ZNF81: variants seen among roughly 807,000 people sequenced by gnomAD.
ZNF81 encodes zinc finger protein 81.
A neutral mutation model predicts 32.3 loss-of-function variants in ZNF81; 5 were observed. The observed-to-expected ratio is 0.15, with a 90% CI of 0.08 to 0.33. The LOEUF is 0.33. Among genes scored for constraint, ZNF81 ranks in the 10% least tolerant of loss-of-function variants. The probability of loss-of-function intolerance (pLI) is 1.00; values close to 1 mark genes in which losing one functional copy is unlikely to be tolerated. For synonymous variants in ZNF81, 163 were observed against 166.8 expected, an observed-to-expected ratio of 0.98 and a Z score of 0.17; for missense variants, 379 against 479.8, an observed-to-expected ratio of 0.79 and a Z score of 1.96.
chrX:47,852,769 C>A (rs782481292), intron 2 of ZNF81, among the ~76,000 whole-genome samples: 7 of 112,787 alleles, frequency 6.2e-5, no homozygotes, highest in Non-Finnish European at 1.1e-4. Context: ...TCTGTTATTG[C>A]TGATATTTTA....
intron 2 of ZNF81, among the ~76,000 whole-genome samples, chrX:47,878,891 C>A (rs1435927692): frequency 8.9e-6 from 1 of 111,819 alleles, no homozygotes; most frequent in Non-Finnish European, 1.9e-5. Context: ...AGGCTGATTC[C>A]TTCCTCAAGG....
intron 4 of ZNF81, among the ~76,000 whole-genome samples, chrX:47,907,760 T>G (rs1213116195): frequency 8.9e-6 from 1 of 112,057 alleles, no homozygotes; most frequent in Non-Finnish European, 1.9e-5. Context: ...GAAAATATTA[T>G]GACCAACTTT....
intron 2 of ZNF81, among the ~76,000 whole-genome samples, chrX:47,850,891 G>GCGCA (rs1405405827): frequency 5.6e-5 from 3 of 53,416 alleles, no homozygotes; most frequent in Admixed American, 2.7e-4. Flanking sequence ...AGGCACGCGC[G>GCGCA]CACACACACA....
At chrX:47,885,730 G>C (rs2058639070) in intron 2 of ZNF81, among the ~76,000 whole-genome samples, 1 of 111,514 alleles carries the variant, frequency 9.0e-6, no homozygotes, top group African/African-American at 3.3e-5. Flanking sequence ...CCTTTTAAAA[G>C]AACACTAACC....
At position 47,880,320 on chromosome X, in the gene ZNF81, C is replaced by G. The variant is rs184346280; in HGVS notation, c.55-7679C>G. ...CTCGACCTCCCAAGCTCAGGTTATT[C>G]TCCCACCTCAGCCTCCCAAGTAGCT... On this transcript the variant is annotated intron_variant, in intron 2 of 4. Transcript: ENST00000338637. Among the ~76,000 whole-genome samples the G allele has an allele frequency of 2.1e-3, 233 of 112,261 alleles. 2 individuals carry two copies. The highest frequency in any genetic ancestry group is 7.3e-3 in the African/African-American group (226 of 30,921).
chrX:47,850,895 A>T (rs868936577), intron 2 of ZNF81, among the ~76,000 whole-genome samples: 1 of 38,049 alleles, frequency 2.6e-5, no homozygotes, highest in Non-Finnish European at 7.1e-5. Flanking sequence ...ACGCGCGCAC[A>T]CACACACACA....
intron 2 of ZNF81, among the ~76,000 whole-genome samples, chrX:47,864,819 T>C (rs1245740076): frequency 8.9e-6 from 1 of 112,485 alleles, no homozygotes; most frequent in Non-Finnish European, 1.9e-5. Flanking sequence ...CTACAGTCCA[T>C]GGTTCCAAAA....
chrX:47,864,316 G>A (rs1556882957), intron 2 of ZNF81, among the ~76,000 whole-genome samples: 1 of 111,752 alleles, frequency 8.9e-6, no homozygotes, highest in African/African-American at 3.3e-5. Context: ...GCAATAAAAG[G>A]TACACCATTT....
chrX:47,906,019 C>A (rs1556889144), intron 4 of ZNF81, among the ~76,000 whole-genome samples: 2 of 101,001 alleles, frequency 2.0e-5, no homozygotes, highest in African/African-American at 7.2e-5. Context: ...TGATTTTTCA[C>A]TGTTTATAAT....
At chrX:47,897,457 C>A (rs2058683549) in intron 4 of ZNF81, among the ~76,000 whole-genome samples, 1 of 111,746 alleles carries the variant, frequency 8.9e-6, no homozygotes, top group Admixed American at 9.5e-5. Flanking sequence ...GGATACAACT[C>A]CTTTGCCAGA....
In ZNF81 at chrX:47,916,207, A is replaced by C; in HGVS notation, c.1561A>C (p.Thr521Pro). 1 of 1,211,559 alleles carries C rather than the reference A, an allele frequency of 8.3e-7. No individual in the cohort carries two copies. Among genetic ancestry groups the C allele is most frequent in the Non-Finnish European group, 1.1e-6 (1 of 895,396 alleles). ...TCTCAATACTCACCAGAAGTCTCAT[A>C]CTGGAGAAAAGTCTTATATATGTGC... ...SNLNTHQKSHTGEKSYICAEC... is the reference protein window; with the variant it reads ...SNLNTHQKSHPGEKSYICAEC... The change falls in exon 5 of 5, where the codon ACT (threonine) becomes CCT (proline). Residue 521 changes from threonine to proline, a missense_variant. By Grantham distance (38) the Thr-to-Pro change is conservative. Around this residue, in one of 2 missense-constraint regions of ZNF81, gnomAD observed 102 missense variants for 173.2 expected, o/e 0.59. Transcript: ENST00000338637.
chrX:47,882,180 A>G (rs904463423), intron 2 of ZNF81, among the ~76,000 whole-genome samples: 3 of 111,223 alleles, frequency 2.7e-5, no homozygotes, highest in Non-Finnish European at 5.7e-5. Flanking sequence ...GTATATATAT[A>G]TGTACATATA....
chrX:47,909,584 T>A (rs1556889597), intron 4 of ZNF81, among the ~76,000 whole-genome samples: 1 of 110,438 alleles, frequency 9.1e-6, no homozygotes, highest in Non-Finnish European at 1.9e-5. Context: ...ATACCTAGTT[T>A]ATTGAGGCTT....
intron 3 of ZNF81, among the ~76,000 whole-genome samples, chrX:47,891,540 G>C (rs1336870958): frequency 1.8e-5 from 2 of 112,172 alleles, no homozygotes; most frequent in Non-Finnish European, 1.9e-5. Context: ...CACCATAAGA[G>C]CCCTCATTCC....
intron 2 of ZNF81, among the ~76,000 whole-genome samples, chrX:47,851,930 C>T (rs1556881265): frequency 2.7e-5 from 3 of 112,201 alleles, no homozygotes; most frequent in Admixed American, 9.5e-5. Flanking sequence ...GTCCCAATAC[C>T]ATTTATTGAA....
At chrX:47,911,387 A>G (rs2058738722) in intron 4 of ZNF81, among the ~76,000 whole-genome samples, 1 of 93,725 alleles carries the variant, frequency 1.1e-5, no homozygotes, top group Non-Finnish European at 1.9e-5. Flanking sequence ...GCCCTTACCT[A>G]CTCCAGATTT....
chrX:47,863,593 T>C (rs1380353841), intron 2 of ZNF81, among the ~76,000 whole-genome samples: 1 of 112,172 alleles, frequency 8.9e-6, no homozygotes, highest in Non-Finnish European at 1.9e-5. Flanking sequence ...AGGCCGTTCA[T>C]GTGAACCTTA....
At chrX:47,863,127 G>A (rs2058547906) in intron 2 of ZNF81, among the ~76,000 whole-genome samples, 1 of 111,525 alleles carries the variant, frequency 9.0e-6, no homozygotes, top group Admixed American at 9.5e-5. Flanking sequence ...GGGGTCTTTT[G>A]CAGACAGTGT....
intron 2 of ZNF81, among the ~76,000 whole-genome samples, chrX:47,873,742 C>T (rs1291500013): frequency 1.8e-5 from 2 of 111,877 alleles, no homozygotes; most frequent in Non-Finnish European, 3.8e-5. Flanking sequence ...TCTCGGCTCA[C>T]TGCAACCTCC....
Sources: allele counts gnomAD v4.1 joint callset (sites outside exome capture counted in the v4.1 genomes callset), GRCh38; gene constraint gnomAD v4.1.1; regional missense constraint gnomAD v4.1.1; transcripts MANE v1.5; gene names NCBI Gene and HGNC (gene_info 2026-07-23, HGNC 2026-07-21).